The following CEP112 variants were observed in gnomAD, a reference collection of about 807,000 sequenced individuals.
The protein encoded by CEP112 is centrosomal protein 112, also known as centrosomal protein of 112 kDa.
A neutral mutation model predicts 153.0 loss-of-function variants in CEP112; 127 were observed. The observed-to-expected ratio is 0.83, with a 90% CI of 0.72 to 0.96. The LOEUF is 0.96. Among genes scored for constraint, CEP112 ranks in the 40% least tolerant of loss-of-function variants. The pLI, the probability that CEP112 is intolerant of heterozygous loss-of-function variation, is 0.00. For missense variants in CEP112, 1,089 were observed against 1,101.2 expected (o/e 0.99, Z 0.16); for synonymous variants, 358 against 374.4 (o/e 0.96, Z 0.51).
intron 8 of CEP112, among the ~76,000 whole-genome samples, chr17:66,089,296 A>T (rs2068052483): frequency 6.6e-6 from 1 of 152,232 alleles, no homozygotes; most frequent in East Asian, 1.9e-4. Context: ...AAAACCAAGG[A>T]GACATAACCC....
At chr17:65,846,554 T>A (rs935319772) in intron 21 of CEP112, among the ~76,000 whole-genome samples, 1 of 152,098 alleles carries the variant, frequency 6.6e-6, no homozygotes, top group Non-Finnish European at 1.5e-5. Context: ...TAGATTATCA[T>A]TCTTTTTGTT....
chr17:65,680,659 C>T (rs1050615463), intron 24 of CEP112, among the ~76,000 whole-genome samples: 11 of 152,136 alleles, frequency 7.2e-5, no homozygotes, highest in Non-Finnish European at 1.3e-4. Context: ...AGCTTTAATG[C>T]GGAGGGCGGG....
intron 23 of CEP112, among the ~76,000 whole-genome samples, chr17:65,730,485 C>T (rs1818361527): frequency 6.6e-6 from 1 of 152,274 alleles, no homozygotes; most frequent in Admixed American, 6.5e-5. Flanking sequence ...ATGGAAAATA[C>T]ATTTCTATTC....
At chr17:66,062,094 A>G (rs2066943824) in intron 11 of CEP112, among the ~76,000 whole-genome samples, 1 of 152,010 alleles carries the variant, frequency 6.6e-6, no homozygotes, top group Non-Finnish European at 1.5e-5. Context: ...ACCTCCTACC[A>G]TGACTGTAAG....
In CEP112 at chr17:65,752,737, G is replaced by T. The variant is rs193111309; in HGVS notation, c.2395-2013C>A. ...GGAAAGATCTTGCTGCTTCTAATGG[G>T]TATCCTTCAGGTCTTCCTTCCCCCA... is the stretch of plus-strand genomic sequence containing the variant. On this transcript the variant is annotated intron_variant, in intron 21 of 26. Coordinates refer to ENST00000535342, the MANE Select transcript of CEP112 (RefSeq NM_001199165.4). 8.4e-3 allele frequency among the ~76,000 whole-genome samples: 1,277 copies of T among 152,210 alleles called. 13 individuals are homozygous for T. Among genetic ancestry groups the T allele is most frequent in the South Asian group, 0.02 (96 of 4,816 alleles).
chr17:65,760,882 A>G (rs1009818697), intron 21 of CEP112, among the ~76,000 whole-genome samples: 2 of 152,028 alleles, frequency 1.3e-5, no homozygotes, highest in African/African-American at 4.8e-5. Flanking sequence ...GGCCTGGTGT[A>G]TTCTGTTTTG....
chr17:65,735,491 T>C (rs2050746369), intron 23 of CEP112, among the ~76,000 whole-genome samples: 1 of 152,204 alleles, frequency 6.6e-6, no homozygotes, highest in South Asian at 2.1e-4. Flanking sequence ...TCAACTAAGA[T>C]GGTGTTAAGT....
At chr17:65,796,043 A>G (rs2054893460) in intron 21 of CEP112, among the ~76,000 whole-genome samples, 1 of 152,146 alleles carries the variant, frequency 6.6e-6, no homozygotes, top group African/African-American at 2.4e-5. Context: ...TTCTTCCTCG[A>G]GTGCTCCCAA....
chr17:65,946,772 T>C (rs575552872), intron 18 of CEP112, among the ~76,000 whole-genome samples: 3 of 152,274 alleles, frequency 2.0e-5, no homozygotes, highest in African/African-American at 7.2e-5. Context: ...GGTGATTCTA[T>C]AGATTTAAGA....
chr17:65,915,648 C>T (rs980993142), intron 19 of CEP112, among the ~76,000 whole-genome samples: 18 of 151,670 alleles, frequency 1.2e-4, no homozygotes, highest in African/African-American at 3.6e-4. Flanking sequence ...ATTAGCCAGG[C>T]GTGGTGGTGG....
intron 19 of CEP112, among the ~76,000 whole-genome samples, chr17:65,925,345 G>T (rs1490812379): frequency 6.6e-6 from 1 of 152,174 alleles, no homozygotes; most frequent in African/African-American, 2.4e-5. Flanking sequence ...CCAGTCTTGG[G>T]TATGTCTTTA....
At chr17:65,849,006 A>T (rs190235334) in intron 21 of CEP112, among the ~76,000 whole-genome samples, 6 of 152,214 alleles carry the variant, frequency 3.9e-5, no homozygotes, top group African/African-American at 1.4e-4. Context: ...GAATCACTGG[A>T]ATCTTGACAC....
chr17:65,951,973 C>G (rs924601944), intron 18 of CEP112, among the ~76,000 whole-genome samples: 1 of 152,138 alleles, frequency 6.6e-6, no homozygotes, highest in Non-Finnish European at 1.5e-5. Context: ...GTAATACCTT[C>G]TTTGACCCAT....
At chr17:65,719,121 A>C (rs777528448) in intron 23 of CEP112, among the ~76,000 whole-genome samples, 1 of 152,244 alleles carries the variant, frequency 6.6e-6, no homozygotes, top group Non-Finnish European at 1.5e-5. Context: ...TTCACACAAC[A>C]GTGGGTTTAC....
intron 21 of CEP112, among the ~76,000 whole-genome samples, chr17:65,763,367 G>A (rs1006099184): frequency 6.6e-5 from 10 of 151,626 alleles, no homozygotes; most frequent in Non-Finnish European, 1.3e-4. Flanking sequence ...ATTAATTTGG[G>A]GAAATTTTCA....
intron 23 of CEP112, among the ~76,000 whole-genome samples, chr17:65,700,067 C>T (rs1287289102): frequency 8.6e-5 from 13 of 151,834 alleles, no homozygotes; most frequent in Non-Finnish European, 1.9e-4. Context: ...TGTCCTCCTC[C>T]TCCTTCCCAC....
chr17:66,130,936 A>G (rs989942129), intron 5 of CEP112, among the ~76,000 whole-genome samples: 1 of 152,184 alleles, frequency 6.6e-6, no homozygotes, highest in Non-Finnish European at 1.5e-5. Context: ...ATCTGTACCC[A>G]GAAATTGACA....
At chr17:66,106,285 A>G (rs910301756) in intron 6 of CEP112, among the ~76,000 whole-genome samples, 4 of 152,112 alleles carry the variant, frequency 2.6e-5, no homozygotes, top group Admixed American at 1.3e-4. Context: ...AAATTAGTAG[A>G]ACAGAAATAA....
chr17:65,858,983 A>G (rs1459159461), intron 20 of CEP112, among the ~76,000 whole-genome samples: 1 of 152,206 alleles, frequency 6.6e-6, no homozygotes, highest in Non-Finnish European at 1.5e-5. Context: ...AAAGTGTCTT[A>G]GGTCTAATTC....
Sources: gnomAD v4.1 joint callset for allele counts (sites outside exome capture counted in the v4.1 genomes callset) on GRCh38, gnomAD v4.1.1 for gene constraint, MANE v1.5 for transcripts, NCBI Gene and HGNC (gene_info 2026-07-23, HGNC 2026-07-21) for gene names.